CTNNA3: variants seen among roughly 807,000 people sequenced by gnomAD.
CTNNA3 encodes the protein catenin alpha 3, also known as catenin alpha-3.
CTNNA3 carries 76 observed loss-of-function variants against 95.7 expected under a neutral mutation model. The ratio of observed to expected loss-of-function variants is 0.79; its 90% confidence interval spans 0.66 to 0.96. CTNNA3 has a LOEUF of 0.96. Among genes scored for constraint, CTNNA3 ranks in the 40% least tolerant of loss-of-function variants. The pLI is 0.00. For missense variants in CTNNA3, 1,191 were observed against 1,089.8 expected (o/e 1.09, Z -1.31); for synonymous variants, 431 against 374.4 (o/e 1.15, Z -1.74).
At chr10:67,181,777 A>G (rs972478291) in intron 6 of CTNNA3, among the ~76,000 whole-genome samples, 1 of 152,062 alleles carries the variant, frequency 6.6e-6, no homozygotes, top group Non-Finnish European at 1.5e-5. Context: ...AAAAGCCACA[A>G]CTGCAGAGTC....
intron 5 of CTNNA3, among the ~76,000 whole-genome samples, chr10:67,409,423 G>A (rs1306170096): frequency 1.3e-5 from 2 of 152,050 alleles, no homozygotes; most frequent in East Asian, 3.9e-4. Context: ...GAACAAGATC[G>A]TGTCCTTTGC....
At chr10:66,589,836 C>T (rs1001253349) in intron 10 of CTNNA3, among the ~76,000 whole-genome samples, 11 of 152,206 alleles carry the variant, frequency 7.2e-5, no homozygotes, top group African/African-American at 2.6e-4. Flanking sequence ...CCATCCCACA[C>T]ATTTCAATGG....
chr10:66,743,730 C>A (rs1373550311), intron 9 of CTNNA3, among the ~76,000 whole-genome samples: 1 of 152,004 alleles, frequency 6.6e-6, no homozygotes, highest in African/African-American at 2.4e-5. Context: ...GTAATCCCAG[C>A]ACTTTGGAAG....
chr10:66,002,027 G>A (rs1227905913), intron 15 of CTNNA3, among the ~76,000 whole-genome samples: 33 of 152,034 alleles, frequency 2.2e-4, no homozygotes, highest in Admixed American at 2.2e-3. Context: ...GATATTTGTG[G>A]TAGTATAACT....
At chr10:67,267,842 T>A (rs1866891862) in intron 5 of CTNNA3, among the ~76,000 whole-genome samples, 1 of 152,192 alleles carries the variant, frequency 6.6e-6, no homozygotes. Context: ...ATTTATTATA[T>A]GTACTATTTT....
chr10:66,936,729 T>C (rs921878261), intron 7 of CTNNA3, among the ~76,000 whole-genome samples: 1 of 152,112 alleles, frequency 6.6e-6, no homozygotes, highest in Non-Finnish European at 1.5e-5. Context: ...TTTCTCTATT[T>C]GGAAGTAGTA....
In CTNNA3 at chr10:67,740,909, C is replaced by T. The variant is rs567454021; in HGVS notation, c.-2+22525G>A. Among the ~76,000 whole-genome samples the T allele has an allele frequency of 2.5e-4, 38 of 151,374 alleles. 1 individual carries two copies. Among genetic ancestry groups the T allele is most frequent in the African/African-American group, 8.9e-4 (37 of 41,384 alleles). ...CAATAGCAAAGACTTGGAACCAACC[C>T]AAATGTCCAACAATGATAGACTGGA... On this transcript the variant is annotated intron_variant, in intron 1 of 17. Coordinates refer to the CTNNA3 transcript ENST00000684154.
intron 11 of CTNNA3, among the ~76,000 whole-genome samples, chr10:66,401,379 A>T (rs2132559762): frequency 6.6e-6 from 1 of 152,110 alleles, no homozygotes; most frequent in South Asian, 2.1e-4. Context: ...TAAAAAAATT[A>T]GCCATGGATG....
chr10:66,318,276 ATGTGTGTGTGTG>A (rs138734509), intron 12 of CTNNA3, among the ~76,000 whole-genome samples: 2 of 136,602 alleles, frequency 1.5e-5, no homozygotes, highest in Non-Finnish European at 3.2e-5. Context: ...ATATATATAT[ATGTGTGTGTGTG>A]TGTGTGTGTG....
chr10:66,138,461 A>C (rs1039270404), intron 13 of CTNNA3, among the ~76,000 whole-genome samples: 1 of 152,314 alleles, frequency 6.6e-6, no homozygotes, highest in African/African-American at 2.4e-5. Flanking sequence ...GTTGAGGCAA[A>C]GAAAACAATA....
At chr10:67,424,744 T>C (rs912956972) in intron 5 of CTNNA3, among the ~76,000 whole-genome samples, 4 of 152,144 alleles carry the variant, frequency 2.6e-5, no homozygotes, top group Non-Finnish European at 5.9e-5. Flanking sequence ...TATTTATTTG[T>C]CTAATTATGC....
chr10:66,352,236 T>C (rs758061348), intron 12 of CTNNA3, among the ~76,000 whole-genome samples: 2 of 152,106 alleles, frequency 1.3e-5, no homozygotes, highest in East Asian at 3.9e-4. Flanking sequence ...CAAACATACA[T>C]GGGCTCTTTG....
At chr10:66,426,421 T>A (rs2093241849) in intron 11 of CTNNA3, among the ~76,000 whole-genome samples, 1 of 152,126 alleles carries the variant, frequency 6.6e-6, no homozygotes, top group Admixed American at 6.6e-5. Flanking sequence ...CTTTTTTAAT[T>A]TACTCTTCTT....
At position 67,638,156 on chromosome 10, in the gene CTNNA3, G is replaced by A. The variant is rs1839390669; in HGVS notation, c.99+9259C>T. Among the ~76,000 whole-genome samples, 3 of 152,172 alleles carry A rather than the reference G, an allele frequency of 2.0e-5. No homozygotes were observed. In the South Asian group the frequency reaches 6.2e-4, roughly 32 times the overall value. On this transcript the variant is annotated intron_variant, in intron 2 of 17. Transcript: ENST00000433211. ...GAGACACACATAGGCTCAAAATAAA[G>A]GGATGGAGGAAGATCTACCAAGCAA...
intron 1 of CTNNA3, among the ~76,000 whole-genome samples, chr10:67,654,016 A>G (rs1422507731): frequency 1.3e-5 from 2 of 152,196 alleles, no homozygotes; most frequent in Non-Finnish European, 2.9e-5. Context: ...CTGTTTGCCA[A>G]TGAGTGCAGA....
intron 17 of CTNNA3, among the ~76,000 whole-genome samples, chr10:65,933,482 T>A (rs966390289): frequency 6.6e-6 from 1 of 152,144 alleles, no homozygotes; most frequent in Non-Finnish European, 1.5e-5. Context: ...ATTAAGACAG[T>A]GTTCAGTGAA....
intron 7 of CTNNA3, among the ~76,000 whole-genome samples, chr10:67,059,022 A>C (rs745424183): frequency 6.6e-6 from 1 of 152,226 alleles, no homozygotes; most frequent in Non-Finnish European, 1.5e-5. Flanking sequence ...CTGCTAATGC[A>C]GCCTTCTAAG....
intron 14 of CTNNA3, among the ~76,000 whole-genome samples, chr10:66,069,899 T>C (rs996391357): frequency 1.3e-5 from 2 of 152,244 alleles, no homozygotes; most frequent in East Asian, 3.9e-4. Flanking sequence ...AGACTATGTC[T>C]ACCTATGTGT....
chr10:66,372,769 A>G (rs1263997826), intron 12 of CTNNA3, among the ~76,000 whole-genome samples: 2 of 152,144 alleles, frequency 1.3e-5, no homozygotes, highest in Non-Finnish European at 2.9e-5. Context: ...GAGTGCCCGA[A>G]AGGGAAATGC....
Sources: allele counts gnomAD v4.1 joint callset (sites outside exome capture counted in the v4.1 genomes callset), GRCh38; gene constraint gnomAD v4.1.1; transcripts MANE v1.5; gene names NCBI Gene and HGNC (gene_info 2026-07-23, HGNC 2026-07-21).